Variants in EPHB2 observed in about 807,000 individuals in gnomAD.
The protein encoded by EPHB2 is ephrin type-B receptor 2.
EPHB2 carries 18 observed loss-of-function variants against 96.4 expected under a neutral mutation model. The ratio of observed to expected loss-of-function variants is 0.19; its 90% CI spans 0.13 to 0.28. The LOEUF (loss-of-function observed/expected upper bound fraction) is 0.28, where lower values mean the gene tolerates loss of function less well. Among genes scored for constraint, EPHB2 ranks in the 10% least tolerant of loss-of-function variants. The pLI, the probability that EPHB2 is intolerant of heterozygous loss-of-function variation, is 1.00. For missense variants in EPHB2, 989 were observed against 1,355.4 expected (o/e 0.73, Z 4.25); for synonymous variants, 506 against 534.1 (o/e 0.95, Z 0.72).
At chr1:22,792,937 G>A (rs1014450324) in intron 3 of EPHB2, among the ~76,000 whole-genome samples, 2 of 152,154 alleles carry the variant, frequency 1.3e-5, no homozygotes, top group Non-Finnish European at 2.9e-5. Flanking sequence ...AGGAACAGGC[G>A]GTCAGAGGAC....
intron 3 of EPHB2, among the ~76,000 whole-genome samples, chr1:22,806,576 T>G (rs867748327): frequency 6.6e-6 from 1 of 152,044 alleles, no homozygotes; most frequent in Non-Finnish European, 1.5e-5. Context: ...GGCCCCAGGA[T>G]CCCAGCTTCT....
rs552795538 is a variant in EPHB2 at position 22,755,279 on chromosome 1, G to A, written c.62-26142G>A. Among the ~76,000 whole-genome samples, 36 of 152,292 alleles carry A rather than the reference G, an allele frequency of 2.4e-4. No individual in the cohort carries two copies. In the South Asian group the frequency reaches 7.1e-3, roughly 30 times the overall value. Reference sequence around the variant, plus strand: ...AGGGACTTGGCGAGGGCGTGGACATGCCAGAAAGATGGCCTCTCCTGTCAC... The same window carrying A: ...AGGGACTTGGCGAGGGCGTGGACATACCAGAAAGATGGCCTCTCCTGTCAC... On this transcript the variant is annotated intron_variant, in intron 1 of 15. Transcript: ENST00000374630.
chr1:22,868,323 C>T (rs1638550809), intron 5 of EPHB2, among the ~76,000 whole-genome samples: 1 of 152,168 alleles, frequency 6.6e-6, no homozygotes, highest in Non-Finnish European at 1.5e-5. Flanking sequence ...GGAGCAGAGA[C>T]CGAGGCTTGG....
chr1:22,820,791 TTTG>T (rs1485028253), intron 3 of EPHB2, among the ~76,000 whole-genome samples: 1 of 152,248 alleles, frequency 6.6e-6, no homozygotes, highest in Non-Finnish European at 1.5e-5. Flanking sequence ...CCAAGAAGTA[TTTG>T]TTATTATAAC....
In EPHB2 at chr1:22,858,483, C is replaced by T. The variant is rs550868605; in HGVS notation, c.812-4554C>T. On this transcript the variant is annotated intron_variant, in intron 3 of 15. Transcript: ENST00000374630. This position sits in a 1 kb window ranked among gnomAD's most constrained non-coding sequence, Gnocchi z 7.7. ...TATTCCATGCAGGGATCATCAGCCCCCTTTCCAGATGAGGAGACTGAGTTT... is the reference window on the plus strand; with the variant it reads ...TATTCCATGCAGGGATCATCAGCCCTCTTTCCAGATGAGGAGACTGAGTTT... 6.4e-4 allele frequency among the ~76,000 whole-genome samples: 98 copies of T among 152,272 alleles called. 1 individual carries two copies. The highest frequency in any genetic ancestry group is 1.2e-3 in the Non-Finnish European group (85 of 68,012).
intron 1 of EPHB2, among the ~76,000 whole-genome samples, chr1:22,773,449 G>A (rs1644405936): frequency 6.6e-6 from 1 of 152,210 alleles, no homozygotes. Flanking sequence ...GCCTGGGCTG[G>A]CATCTGCTGC....
intron 3 of EPHB2, among the ~76,000 whole-genome samples, chr1:22,797,026 T>C (rs141669375): frequency 6.2e-4 from 95 of 152,308 alleles, no homozygotes; most frequent in African/African-American, 2.2e-3. Flanking sequence ...TGTTATCTCA[T>C]TGGATTCTCA....
chr1:22,830,677 C>G (rs1645291596), intron 3 of EPHB2, among the ~76,000 whole-genome samples: 1 of 151,534 alleles, frequency 6.6e-6, no homozygotes. Context: ...CCTGCCTCAG[C>G]CTCTCGAGTA....
intron 3 of EPHB2, among the ~76,000 whole-genome samples, chr1:22,808,229 G>A (rs1201817130): frequency 6.6e-6 from 1 of 152,110 alleles, no homozygotes; most frequent in Non-Finnish European, 1.5e-5. Context: ...GTGGATGAGG[G>A]GACTGAGGTT....
intron 3 of EPHB2, among the ~76,000 whole-genome samples, chr1:22,840,710 C>T (rs1645454022): frequency 6.6e-6 from 1 of 152,184 alleles, no homozygotes; most frequent in Non-Finnish European, 1.5e-5. Context: ...ATCCGCCCAC[C>T]TTTGCCTCCC....
At chr1:22,861,131 G>A (rs1638234162) in intron 3 of EPHB2, among the ~76,000 whole-genome samples, 1 of 152,308 alleles carries the variant, frequency 6.6e-6, no homozygotes. Flanking sequence ...CATAAGTTAA[G>A]CAATATAAAC....
At chr1:22,826,668 T>A (rs933629628) in intron 3 of EPHB2, among the ~76,000 whole-genome samples, 1 of 152,216 alleles carries the variant, frequency 6.6e-6, no homozygotes, top group African/African-American at 2.4e-5. Context: ...GACAGTGAGC[T>A]CTTCCAGCCG....
intron 1 of EPHB2, among the ~76,000 whole-genome samples, chr1:22,767,593 G>A (rs1332577835): frequency 6.6e-6 from 1 of 152,200 alleles, no homozygotes; most frequent in Non-Finnish European, 1.5e-5. Flanking sequence ...CTGGCAGGTC[G>A]TAGGTGCTCA....
At position 22,741,679 on chromosome 1, in the gene EPHB2, C is replaced by CAAAAAAAAAA. The variant is rs747438721; in HGVS notation, c.61+30645_61+30646insAAAAAAAAAA. Among the ~76,000 whole-genome samples, 211 of 73,752 alleles carry CAAAAAAAAAA rather than the reference C, an allele frequency of 2.9e-3. 12 individuals carry two copies. The Middle Eastern group carries it at 0.035, about 12-fold the overall frequency. The allele number at this position is 73,752 out of a possible 152,430, so 48.4% of individuals were successfully genotyped here. Reference sequence around the variant, plus strand: ...CTTGACAGCCTGGTTTTCTTCCCAGCAAAAAAAAACAAAAAAACAAAAAAC... The same window carrying CAAAAAAAAAA: ...CTTGACAGCCTGGTTTTCTTCCCAGCAAAAAAAAAAAAAAAAAAACAAAAAAACAAAAAAC... On this transcript the variant is annotated intron_variant, in intron 1 of 15. Coordinates refer to ENST00000374630, the MANE Select transcript of EPHB2 (RefSeq NM_017449.5).
intron 5 of EPHB2, among the ~76,000 whole-genome samples, chr1:22,870,440 T>A (rs1049097959): frequency 1.3e-5 from 2 of 151,954 alleles, no homozygotes; most frequent in African/African-American, 2.4e-5. Context: ...CTGTTCAGAG[T>A]GAGCCACGCT....
At chr1:22,773,216 C>G (rs1334002424) in intron 1 of EPHB2, among the ~76,000 whole-genome samples, 2 of 152,224 alleles carry the variant, frequency 1.3e-5, no homozygotes, top group Non-Finnish European at 2.9e-5. Flanking sequence ...AACAGAGGCT[C>G]AGAGAGGAGA....
intron 5 of EPHB2, among the ~76,000 whole-genome samples, chr1:22,874,669 G>A (rs1557727891): frequency 6.6e-6 from 1 of 152,170 alleles, no homozygotes; most frequent in Non-Finnish European, 1.5e-5. Context: ...TGATTGTGAC[G>A]AAGGGGCCTG....
intron 3 of EPHB2, among the ~76,000 whole-genome samples, chr1:22,824,495 C>T (rs759677725): frequency 5.3e-5 from 8 of 152,078 alleles, no homozygotes; most frequent in Non-Finnish European, 1.5e-5. Flanking sequence ...GTCTCTCTGG[C>T]GGTGCCAATA....
chr1:22,878,885 A>G (rs1024980810), intron 5 of EPHB2, among the ~76,000 whole-genome samples: 1 of 152,194 alleles, frequency 6.6e-6, no homozygotes, highest in African/African-American at 2.4e-5. Flanking sequence ...CGCAATCCAA[A>G]TACTCCTCAC....
Sources: allele counts gnomAD v4.1 joint callset (sites outside exome capture counted in the v4.1 genomes callset), GRCh38; gene constraint gnomAD v4.1.1; non-coding constraint Gnocchi (gnomAD v3.1); transcripts MANE v1.5; gene names NCBI Gene and HGNC (gene_info 2026-07-23, HGNC 2026-07-21).